Variants in DNAH5 observed in about 807,000 individuals in gnomAD.
DNAH5 encodes the protein dynein axonemal heavy chain 5, also known as axonemal beta dynein heavy chain 5.
A neutral mutation model predicts 518.2 loss-of-function variants in DNAH5; 372 were observed. The ratio of observed to expected loss-of-function variants is 0.72; its 90% confidence interval spans 0.66 to 0.78. The LOEUF (loss-of-function observed/expected upper bound fraction) is 0.78, where lower values mean the gene tolerates loss of function less well. Ranked by LOEUF, DNAH5 falls within the 30% of genes least tolerant of loss-of-function variation. The pLI is 0.00. For synonymous variants in DNAH5, 2,039 were observed against 2,025.9 expected (o/e 1.01, Z -0.17); for missense variants, 5,523 against 5,687.0 (o/e 0.97, Z 0.93).
chr5:13,719,897 G>A (rs1744814727), intron 71 of DNAH5, among the ~76,000 whole-genome samples: 1 of 152,116 alleles, frequency 6.6e-6, no homozygotes. Context: ...TATTTTGCCT[G>A]AATTATACCA....
At chr5:13,830,304 G>GCTAATGAACTAAA in intron 36 of DNAH5, 91 bp from the exon 37 acceptor site, 1 of 1,206,636 alleles carries the variant, frequency 8.3e-7, no homozygotes, top group Non-Finnish European at 1.2e-6. Context: ...AAATGAGCCA[G>GCTAATGAACTAAA]ATGTAAGTTC....
chr5:13,996,127 G>A (rs1229998304), intron 1 of DNAH5, among the ~76,000 whole-genome samples: 2 of 152,174 alleles, frequency 1.3e-5, no homozygotes, highest in Non-Finnish European at 2.9e-5. Flanking sequence ...GATTAAAGGT[G>A]TTTCCCATAC....
At chr5:13,737,702 A>G (rs1214546926) in intron 65 of DNAH5, among the ~76,000 whole-genome samples, 1 of 152,016 alleles carries the variant, frequency 6.6e-6, no homozygotes, top group Non-Finnish European at 1.5e-5. Context: ...AGGCGGGTGG[A>G]TCATTTGAAG....
intron 35 of DNAH5, among the ~76,000 whole-genome samples, chr5:13,834,901 G>T (rs927008130): frequency 6.6e-6 from 1 of 152,238 alleles, no homozygotes; most frequent in Non-Finnish European, 1.5e-5. Context: ...TTGGGGCAAA[G>T]GATCTGACTT....
At chr5:13,799,265 T>A (rs1758360295) in intron 47 of DNAH5, among the ~76,000 whole-genome samples, 1 of 148,286 alleles carries the variant, frequency 6.7e-6, no homozygotes, top group Admixed American at 6.8e-5. Context: ...TTCTTTTCAA[T>A]GAATTGAAAT....
At chr5:13,994,322 A>T (rs906420625) in intron 1 of DNAH5, among the ~76,000 whole-genome samples, 10 of 152,162 alleles carry the variant, frequency 6.6e-5, no homozygotes, top group Admixed American at 1.3e-4. Context: ...CCCAAAAAGG[A>T]ATTTTGCCGC....
At chr5:13,876,564 C>T (rs1770916758) in intron 22 of DNAH5, 120 bp downstream of exon 22, 5 of 1,192,826 alleles carry the variant, frequency 4.2e-6, no homozygotes, top group Non-Finnish European at 5.9e-6. Context: ...ATACAAGATG[C>T]TCCCTGAAAG....
intron 78 of DNAH5, among the ~76,000 whole-genome samples, chr5:13,695,065 C>T (rs561092936): frequency 4.9e-4 from 74 of 152,338 alleles, no homozygotes; most frequent in African/African-American, 1.7e-3. Flanking sequence ...GGCCTCTCCG[C>T]TTCATCTCTG....
rs777015665 is a variant in DNAH5, at chr5:13,846,836, C to T, written c.5115-1843G>A. On this transcript the variant is annotated intron_variant, in intron 31 of 78. Coordinates refer to ENST00000265104, the MANE Select transcript of DNAH5 (RefSeq NM_001369.3). ...GTCTATTTTCTTCTATTCCCCCTCA[C>T]TTTCTTAAAGTCTTACTTAAATGTT... 2.0e-5 allele frequency among the ~76,000 whole-genome samples: 3 copies of T among 152,186 alleles called. No individual in the cohort carries two copies. In the South Asian group the frequency reaches 6.2e-4, roughly 32 times the overall value.
At chr5:13,718,426 C>T (rs1315082581) in intron 72 of DNAH5, among the ~76,000 whole-genome samples, 2 of 152,172 alleles carry the variant, frequency 1.3e-5, no homozygotes, top group African/African-American at 4.8e-5. Flanking sequence ...ACCTCAGCCC[C>T]AGTCATGATG....
intron 59 of DNAH5, among the ~76,000 whole-genome samples, chr5:13,763,209 T>C (rs1752018794): frequency 1.3e-5 from 2 of 152,038 alleles, no homozygotes; most frequent in South Asian, 4.2e-4. Context: ...GTTATTAGAA[T>C]TTCCAAAGCA....
chr5:13,794,182 T>G, intron 47 of DNAH5, 124 bp from the exon 48 acceptor site: 1 of 1,235,644 alleles, frequency 8.1e-7, no homozygotes, highest in Non-Finnish European at 1.1e-6. Flanking sequence ...AAAAGCCAAA[T>G]TTCCCCCTTA....
chr5:13,794,194 T>G, intron 47 of DNAH5, 136 bp from the exon 48 acceptor site: 1 of 1,028,466 alleles, frequency 9.7e-7, no homozygotes, highest in Non-Finnish European at 1.4e-6. Flanking sequence ...TCCCCCTTAA[T>G]TCTAACAAAT....
intron 29 of DNAH5, among the ~76,000 whole-genome samples, chr5:13,862,106 A>G (rs1308561883): frequency 6.6e-6 from 1 of 152,218 alleles, no homozygotes; most frequent in Non-Finnish European, 1.5e-5. Context: ...GAAATTCAAA[A>G]TAATGTTCCT....
At chr5:13,897,020 C>T (rs2151956613) in intron 15 of DNAH5, among the ~76,000 whole-genome samples, 1 of 152,240 alleles carries the variant, frequency 6.6e-6, no homozygotes, top group South Asian at 2.1e-4. Context: ...TTTGAAAATG[C>T]TGCATACAAT....
chr5:14,004,747 C>G (rs1424946612), intron 1 of DNAH5, among the ~76,000 whole-genome samples: 1 of 152,180 alleles, frequency 6.6e-6, no homozygotes, highest in Non-Finnish European at 1.5e-5. Context: ...ACTTTTCCAT[C>G]TTTCTTTTCT....
At chr5:13,866,840 T>C (rs1207611533) in intron 25 of DNAH5, among the ~76,000 whole-genome samples, 3 of 152,232 alleles carry the variant, frequency 2.0e-5, no homozygotes, top group African/African-American at 7.2e-5. Flanking sequence ...AAACTCTATA[T>C]ATTTCCCTTC....
At chr5:13,758,610 CA>C (rs1229275191) in intron 61 of DNAH5, among the ~76,000 whole-genome samples, 9 of 152,154 alleles carry the variant, frequency 5.9e-5, no homozygotes, top group Admixed American at 4.6e-4. Flanking sequence ...TGCTAGTACA[CA>C]AGATGCTGTC....
intron 12 of DNAH5, among the ~76,000 whole-genome samples, chr5:13,908,182 T>C (rs1189903203): frequency 1.3e-5 from 2 of 152,202 alleles, no homozygotes; most frequent in Non-Finnish European, 2.9e-5. Context: ...CTACTTCTAC[T>C]GGAAGTATAT....
Sources: allele counts gnomAD v4.1 joint callset (sites outside exome capture counted in the v4.1 genomes callset), GRCh38; gene constraint gnomAD v4.1.1; transcripts MANE v1.5; gene names NCBI Gene and HGNC (gene_info 2026-07-23, HGNC 2026-07-21).